The following DPY19L2 variants were observed in gnomAD, a reference collection of about 807,000 sequenced individuals.
DPY19L2 encodes the protein probable C-mannosyltransferase DPY19L2.
A neutral mutation model predicts 97.9 loss-of-function variants in DPY19L2; 34 were observed. The ratio of observed to expected loss-of-function variants is 0.35; its 90% CI spans 0.26 to 0.46. DPY19L2 has a LOEUF of 0.46. Among genes scored for constraint, DPY19L2 ranks in the 20% least tolerant of loss-of-function variants. The pLI is 1.00. For synonymous variants in DPY19L2, 230 were observed against 307.9 expected, an observed-to-expected ratio of 0.75 and a Z score of 2.65; for missense variants, 623 against 911.4, an observed-to-expected ratio of 0.68 and a Z score of 4.07.
intron 6 of DPY19L2, among the ~76,000 whole-genome samples, chr12:63,631,885 C>T (rs1890752303): frequency 6.6e-6 from 1 of 152,098 alleles, no homozygotes; most frequent in Admixed American, 6.6e-5. Context: ...TGGGCTTCAT[C>T]CCTGGGATGC....
At chr12:63,632,276 TC>T (rs1350238793) in intron 6 of DPY19L2, among the ~76,000 whole-genome samples, 2 of 152,116 alleles carry the variant, frequency 1.3e-5, no homozygotes, top group African/African-American at 4.8e-5. Context: ...AGTCAAATTG[TC>T]CCTGTTTGCA....
At chr12:63,614,067 G>C (rs559319858) in intron 11 of DPY19L2, among the ~76,000 whole-genome samples, 3 of 151,646 alleles carry the variant, frequency 2.0e-5, no homozygotes, top group Admixed American at 1.3e-4. Context: ...GCAGGCGCCT[G>C]TAATCCCAGC....
At chr12:63,642,024 C>T (rs918982599) in intron 6 of DPY19L2, among the ~76,000 whole-genome samples, 4 of 152,102 alleles carry the variant, frequency 2.6e-5, no homozygotes, top group Admixed American at 6.5e-5. Flanking sequence ...GACAACTTTA[C>T]ATATGTTTAT....
At chr12:63,608,832 A>G (rs1331083194) in intron 11 of DPY19L2, among the ~76,000 whole-genome samples, 157 bp from the exon 12 acceptor site, 2 of 152,164 alleles carry the variant, frequency 1.3e-5, no homozygotes, top group Non-Finnish European at 2.9e-5. Context: ...AATTTTGGAC[A>G]AATTTTGGCA....
intron 4 of DPY19L2, among the ~76,000 whole-genome samples, chr12:63,658,039 T>C (rs537047094): frequency 2.0e-5 from 3 of 152,278 alleles, no homozygotes; most frequent in Admixed American, 2.0e-4. Flanking sequence ...ATATTGCAGT[T>C]TGTCCGGCTA....
chr12:63,597,099 C>T (rs1884381692), intron 14 of DPY19L2, among the ~76,000 whole-genome samples: 1 of 151,784 alleles, frequency 6.6e-6, no homozygotes, highest in African/African-American at 2.4e-5. Flanking sequence ...CAGCCTCCTA[C>T]TCAGGCTGGG....
intron 18 of DPY19L2, among the ~76,000 whole-genome samples, chr12:63,581,724 C>T (rs897799866): frequency 1.3e-5 from 2 of 151,068 alleles, no homozygotes; most frequent in Non-Finnish European, 2.9e-5. Context: ...CTCAAGTGAT[C>T]TGCCCACCTC....
chr12:63,561,559 G>A (rs942880495), intron 21 of DPY19L2, among the ~76,000 whole-genome samples: 1 of 151,630 alleles, frequency 6.6e-6, no homozygotes, highest in Admixed American at 6.6e-5. Flanking sequence ...GCATGTTTTT[G>A]ATACTCATAT....
At chr12:63,647,875 T>G (rs535399495) in intron 4 of DPY19L2, among the ~76,000 whole-genome samples, 2 of 152,202 alleles carry the variant, frequency 1.3e-5, no homozygotes, top group African/African-American at 4.8e-5. Context: ...GTGGGCTCTC[T>G]TTGTGCCTCA....
In DPY19L2 at chr12:63,665,873, A is replaced by G. The variant is rs768025550; in HGVS notation, c.338-14T>C. 3.2e-6 allele frequency: 5 copies of G among 1,582,498 alleles called. No homozygotes were observed. Among genetic ancestry groups the G allele is most frequent in the Non-Finnish European group, 4.3e-6 (5 of 1,162,322 alleles). ...CCACAAAGACAGCTGGAATAAAGAA[A>G]AAAAGGAAAGTCATTAATAGCTGCT... On this transcript the variant is annotated splice_polypyrimidine_tract_variant and intron_variant, in intron 1 of 21. Transcript: ENST00000324472.
At chr12:63,587,812 C>A (rs1882076617) in intron 16 of DPY19L2, among the ~76,000 whole-genome samples, 1 of 152,022 alleles carries the variant, frequency 6.6e-6, no homozygotes, top group African/African-American at 2.4e-5. Context: ...ACCTCGTGAT[C>A]CGCCCGCCTT....
intron 4 of DPY19L2, chr12:63,660,789 C>A (rs1454426509): frequency 6.6e-6 from 1 of 152,132 alleles, no homozygotes; most frequent in Non-Finnish European, 1.5e-5. Flanking sequence ...ACCATGGTGT[C>A]AAATTTAGCA....
intron 16 of DPY19L2, among the ~76,000 whole-genome samples, chr12:63,592,417 C>T (rs1198506479): frequency 2.7e-5 from 4 of 149,378 alleles, no homozygotes; most frequent in African/African-American, 9.9e-5. Flanking sequence ...ACCAAAACAG[C>T]ATGGTACTGG....
intron 12 of DPY19L2, among the ~76,000 whole-genome samples, chr12:63,605,036 A>G (rs1468526525): frequency 6.6e-6 from 1 of 152,076 alleles, no homozygotes; most frequent in Non-Finnish European, 1.5e-5. Context: ...TCTGTTTGCT[A>G]TAGTTACAAT....
chr12:63,661,862 T>A (rs1365345358), intron 3 of DPY19L2, among the ~76,000 whole-genome samples: 2 of 152,174 alleles, frequency 1.3e-5, no homozygotes, highest in Non-Finnish European at 2.9e-5. Context: ...AGGGATGCTT[T>A]CATGCCTCTG....
chr12:63,588,745 C>CTTTTTTTTTTTTTTTTTTT (rs913709153), intron 16 of DPY19L2, among the ~76,000 whole-genome samples: 1 of 129,924 alleles, frequency 7.7e-6, no homozygotes, highest in Non-Finnish European at 1.6e-5. Flanking sequence ...AGGAAACTTT[C>CTTTTTTTTTTTTTTTTTTT]TTTTTTTTTT....
At chr12:63,565,604 A>C (rs1408356152) in intron 21 of DPY19L2, among the ~76,000 whole-genome samples, 1 of 152,154 alleles carries the variant, frequency 6.6e-6, no homozygotes. Context: ...CGTAATTCAC[A>C]ATTTCTGGGA....
Position 63,634,352 on chromosome 12 carries a change from C to T in DPY19L2, c.804-7826G>A, listed in dbSNP as rs1023869228. On this transcript the variant is annotated intron_variant, in intron 6 of 21. Coordinates refer to ENST00000324472, the MANE Select transcript of DPY19L2 (RefSeq NM_173812.5). ...AGGTTCCAAGATGGCTGAATAGGAA[C>T]AGCTCCAGTCTACAGCTCCCAGCAC... 2.0e-5 allele frequency among the ~76,000 whole-genome samples: 3 copies of T among 152,130 alleles called. No homozygotes were observed. In the East Asian group the frequency reaches 5.8e-4, roughly 29 times the overall value.
At chr12:63,646,694 T>C (rs896724537) in intron 5 of DPY19L2, among the ~76,000 whole-genome samples, 2 of 152,174 alleles carry the variant, frequency 1.3e-5, no homozygotes, top group African/African-American at 4.8e-5. Context: ...GTGACCACTA[T>C]GTATCCTGGA....
Sources: allele counts gnomAD v4.1 joint callset (sites outside exome capture counted in the v4.1 genomes callset), GRCh38; gene constraint gnomAD v4.1.1; transcripts MANE v1.5; gene names NCBI Gene and HGNC (gene_info 2026-07-23, HGNC 2026-07-21).